Variants in FTCDNL1 observed in about 807,000 individuals in gnomAD.
FTCDNL1 encodes formiminotransferase N-terminal subdomain-containing protein.
Under a neutral mutation model 5.9 loss-of-function variants are expected in FTCDNL1, and 11 were observed. That is an observed-to-expected ratio of 1.87 (90% CI 1.18 to 3.10). FTCDNL1 has a LOEUF of 3.10. Among genes scored for constraint, FTCDNL1 ranks in the 30% most tolerant of loss-of-function variants. FTCDNL1 has a pLI of 0.00. For synonymous variants in FTCDNL1, 58 were observed against 24.8 expected, an observed-to-expected ratio of 2.34 and a Z score of -3.99; for missense variants, 115 against 65.5, an observed-to-expected ratio of 1.76 and a Z score of -2.61.
chr2:199,752,366 C>T, the FTCDNL1 span, among the ~76,000 whole-genome samples: 1 of 152,226 alleles, frequency 6.6e-6, no homozygotes, highest in Non-Finnish European at 1.5e-5. Flanking sequence ...TTTATGAGTC[C>T]ACTTGGCTTG....
chr2:199,708,927 C>T, the FTCDNL1 span, among the ~76,000 whole-genome samples: 269 of 152,116 alleles, frequency 1.8e-3, no homozygotes, highest in Admixed American at 2.9e-3. Context: ...AATTCTAGAT[C>T]CCTCAGATAC....
intron 3 of FTCDNL1, among the ~76,000 whole-genome samples, chr2:199,763,514 C>T (rs1404388233): frequency 6.6e-6 from 1 of 152,164 alleles, no homozygotes; most frequent in Non-Finnish European, 1.5e-5. Context: ...AGCCTCCTCC[C>T]AGCTCCCTAC....
intron 3 of FTCDNL1, among the ~76,000 whole-genome samples, chr2:199,803,890 C>T (rs866605494): frequency 2.0e-5 from 3 of 152,174 alleles, no homozygotes; most frequent in Non-Finnish European, 4.4e-5. Flanking sequence ...TAGTCACCTG[C>T]TCCAGAGGGT....
At chr2:199,755,337 T>A in the FTCDNL1 span, among the ~76,000 whole-genome samples, 1 of 152,164 alleles carries the variant, frequency 6.6e-6, no homozygotes, top group Non-Finnish European at 1.5e-5. Context: ...CATAAAGCAA[T>A]ACAAATTTGC....
intron 3 of FTCDNL1, among the ~76,000 whole-genome samples, chr2:199,837,284 A>T (rs1217796366): frequency 6.6e-6 from 1 of 152,200 alleles, no homozygotes; most frequent in Non-Finnish European, 1.5e-5. Context: ...TTGTTTTCTA[A>T]GATTTTTCTA....
the FTCDNL1 span, among the ~76,000 whole-genome samples, chr2:199,664,644 GT>G: frequency 3.4e-3 from 519 of 152,184 alleles, 3 homozygotes; most frequent in African/African-American, 0.012. Context: ...GAAATGACAA[GT>G]TTTTTTCTCT....
chr2:199,834,112 G>C (rs1314889485), intron 3 of FTCDNL1, among the ~76,000 whole-genome samples: 2 of 152,124 alleles, frequency 1.3e-5, no homozygotes, highest in Admixed American at 6.5e-5. Flanking sequence ...ACTACAGTAG[G>C]TTGGGTCCCT....
the FTCDNL1 span, among the ~76,000 whole-genome samples, chr2:199,704,159 G>T: frequency 6.6e-6 from 1 of 152,102 alleles, no homozygotes; most frequent in African/African-American, 2.4e-5. Context: ...TCCATAACTG[G>T]GGTAATAGTT....
intron 4 of FTCDNL1, chr2:199,818,885 A>T (rs1251994472): frequency 6.6e-6 from 1 of 152,216 alleles, no homozygotes; most frequent in Non-Finnish European, 1.5e-5. Flanking sequence ...TTAAGACTCA[A>T]ATAAGTGACA....
intron 3 of FTCDNL1, among the ~76,000 whole-genome samples, chr2:199,773,301 C>T (rs1446097488): frequency 1.3e-5 from 2 of 152,064 alleles, no homozygotes; most frequent in East Asian, 3.9e-4. Flanking sequence ...AAGAGTTGGG[C>T]CTAGGCTTGG....
At chr2:199,756,444 T>A (rs961087005), downstream of FTCDNL1, among the ~76,000 whole-genome samples, 1 of 152,194 alleles carries the variant, frequency 6.6e-6, no homozygotes, top group African/African-American at 2.4e-5. Flanking sequence ...TCACTTCACA[T>A]TTTGAGCCTC....
chr2:199,796,531 C>T (rs2106382900), intron 3 of FTCDNL1, among the ~76,000 whole-genome samples: 1 of 151,994 alleles, frequency 6.6e-6, no homozygotes, highest in African/African-American at 2.4e-5. Flanking sequence ...GACTATTGAC[C>T]TTTCAGATGT....
chr2:199,743,680 G>A, the FTCDNL1 span, among the ~76,000 whole-genome samples: 1 of 151,938 alleles, frequency 6.6e-6, no homozygotes, highest in Non-Finnish European at 1.5e-5. Flanking sequence ...CTGCAAGATG[G>A]TAATTAAGCC....
intron 3 of FTCDNL1, among the ~76,000 whole-genome samples, chr2:199,779,261 G>A (rs1376207363): frequency 6.6e-6 from 1 of 152,176 alleles, no homozygotes; most frequent in Non-Finnish European, 1.5e-5. Context: ...TAAAGTTGAA[G>A]TGAAACATAT....
chr2:199,817,830 G>A (rs763312835), intron 4 of FTCDNL1, among the ~76,000 whole-genome samples: 4 of 152,006 alleles, frequency 2.6e-5, no homozygotes, highest in African/African-American at 9.6e-5. Flanking sequence ...AATAGATAAT[G>A]ATGAGGCAGA....
chr2:199,841,198 G>C (rs937639426), intron 3 of FTCDNL1, among the ~76,000 whole-genome samples: 1 of 151,706 alleles, frequency 6.6e-6, no homozygotes, highest in African/African-American at 2.4e-5. Context: ...ATGGGATGTA[G>C]CCTAATAGAT....
At chr2:199,847,751 C>A (rs2076768971) in intron 2 of FTCDNL1, among the ~76,000 whole-genome samples, 1 of 152,228 alleles carries the variant, frequency 6.6e-6, no homozygotes. Flanking sequence ...CACTTAATCA[C>A]AGAGACAGGC....
chr2:199,829,266 C>G (rs1426046993), intron 3 of FTCDNL1, among the ~76,000 whole-genome samples: 4 of 152,020 alleles, frequency 2.6e-5, no homozygotes, highest in African/African-American at 7.3e-5. Flanking sequence ...TTTCTCTGGT[C>G]GTATTCTAAA....
intron 3 of FTCDNL1, among the ~76,000 whole-genome samples, chr2:199,800,122 C>A (rs1559198225): frequency 6.6e-6 from 1 of 152,052 alleles, no homozygotes; most frequent in Non-Finnish European, 1.5e-5. Flanking sequence ...CATAACGGAG[C>A]ATGTAACCTA....
Sources: allele counts gnomAD v4.1 joint callset (sites outside exome capture counted in the v4.1 genomes callset), GRCh38; gene constraint gnomAD v4.1.1; transcripts MANE v1.5; gene names NCBI Gene and HGNC (gene_info 2026-07-23, HGNC 2026-07-21).